Variants in DOCK2 observed in about 807,000 individuals in gnomAD.
DOCK2 encodes dedicator of cytokinesis protein 2.
DOCK2 carries 87 observed loss-of-function variants against 248.9 expected under a neutral mutation model. That is an observed-to-expected ratio of 0.35 (90% CI 0.29 to 0.42). The LOEUF (loss-of-function observed/expected upper bound fraction) is 0.42, where lower values mean the gene tolerates loss of function less well. DOCK2 is among the 10% of genes least tolerant of loss of function. The pLI is 1.00. For missense variants in DOCK2, 1,747 were observed against 2,300.2 expected, an observed-to-expected ratio of 0.76 and a Z score of 4.92; for synonymous variants, 805 against 821.6, an observed-to-expected ratio of 0.98 and a Z score of 0.35.
chr5:170,076,008 C>T lies in DOCK2; in HGVS notation c.4790C>T (p.Pro1597Leu). 6.2e-7 allele frequency: 1 copy of T among 1,614,128 alleles called. No homozygotes were observed. Among genetic ancestry groups the T allele is most frequent in the Non-Finnish European group, 8.5e-7 (1 of 1,180,014 alleles). Reference sequence around the variant, plus strand: ...AAAAGGGTGTCAGATAACTTGCGACCCTTCCATGACCGGATGGAGGAATGT... The same window carrying T: ...AAAAGGGTGTCAGATAACTTGCGACTCTTCCATGACCGGATGGAGGAATGT... The part of the protein sequence containing the change: ...HEKRVSDNLR[P>L]FHDRMEECFK... The change falls in exon 47 of 52, where the codon CCC (proline) becomes CTC (leucine). Residue 1597 changes from proline to leucine, a missense_variant. Physicochemically the swap from Pro to Leu is moderately conservative, Grantham distance 98. Around this residue, in one of 4 missense-constraint regions of DOCK2, gnomAD observed 513 missense variants for 586.1 expected, o/e 0.88. Transcript: ENST00000520908.
At chr5:169,640,471 GAAAAC>G (rs1416181627) in intron 1 of DOCK2, among the ~76,000 whole-genome samples, 1 of 152,226 alleles carries the variant, frequency 6.6e-6, no homozygotes, top group Non-Finnish European at 1.5e-5. Context: ...ATGAACAAGA[GAAAAC>G]AAACAAGTTT....
At chr5:169,945,828 C>T (rs1307959991) in intron 27 of DOCK2, among the ~76,000 whole-genome samples, 1 of 152,230 alleles carries the variant, frequency 6.6e-6, no homozygotes, top group Non-Finnish European at 1.5e-5. Context: ...CCACGGCCTC[C>T]GTCCTTTGTG....
intron 26 of DOCK2, among the ~76,000 whole-genome samples, chr5:169,840,481 G>T (rs1016522938): frequency 3.9e-5 from 6 of 152,140 alleles, no homozygotes; most frequent in African/African-American, 1.4e-4. Context: ...TAGCTCCAAA[G>T]TTCCTGATTC....
At chr5:170,003,701 A>C (rs531112075) in intron 30 of DOCK2, among the ~76,000 whole-genome samples, 19 of 152,344 alleles carry the variant, frequency 1.2e-4, no homozygotes, top group Non-Finnish European at 2.5e-4. Flanking sequence ...AGGAGACAGC[A>C]CTGGGGACCA....
intron 27 of DOCK2, among the ~76,000 whole-genome samples, chr5:169,852,868 G>T (rs1345566451): frequency 6.6e-6 from 1 of 152,180 alleles, no homozygotes; most frequent in African/African-American, 2.4e-5. Flanking sequence ...CACTGTGTCT[G>T]CTGTGAAGGC....
intron 27 of DOCK2, among the ~76,000 whole-genome samples, chr5:169,874,134 C>T (rs1199934052): frequency 1.3e-5 from 2 of 152,038 alleles, no homozygotes; most frequent in African/African-American, 2.4e-5. Context: ...AAAAAGCGGC[C>T]GGGTGTGGTG....
chr5:169,912,621 ATGTGTG>A (rs59287791), intron 27 of DOCK2, among the ~76,000 whole-genome samples: 2 of 150,420 alleles, frequency 1.3e-5, no homozygotes, highest in African/African-American at 4.9e-5. Flanking sequence ...GGTGGAGTGT[ATGTGTG>A]TGTGTGTGTG....
intron 25 of DOCK2, among the ~76,000 whole-genome samples, chr5:169,767,904 G>A (rs771397843): frequency 2.0e-5 from 3 of 152,218 alleles, no homozygotes; most frequent in East Asian, 3.9e-4. Context: ...ACGTATTAGG[G>A]TATTAATATT....
intron 22 of DOCK2, among the ~76,000 whole-genome samples, chr5:169,735,348 G>A (rs1452708647): frequency 6.6e-6 from 1 of 152,050 alleles, no homozygotes; most frequent in Non-Finnish European, 1.5e-5. Flanking sequence ...GATTCTCTCA[G>A]CTCCCTTCTG....
chr5:169,648,328 A>G (rs1334978222), intron 1 of DOCK2, among the ~76,000 whole-genome samples: 1 of 152,150 alleles, frequency 6.6e-6, no homozygotes, highest in Non-Finnish European at 1.5e-5. Flanking sequence ...GTCTCCAGAC[A>G]TCAACAAATG....
chr5:169,845,701 C>T (rs1770262610), intron 27 of DOCK2, among the ~76,000 whole-genome samples: 2 of 152,118 alleles, frequency 1.3e-5, no homozygotes, highest in African/African-American at 4.8e-5. Flanking sequence ...ATCCCTGAAG[C>T]CTTGCAAAGG....
At chr5:169,699,171 A>G (rs746794007) in intron 11 of DOCK2, among the ~76,000 whole-genome samples, 2 of 152,198 alleles carry the variant, frequency 1.3e-5, no homozygotes, top group African/African-American at 4.8e-5. Flanking sequence ...AATGGCCTCT[A>G]CCTGTAGCAT....
At position 170,082,792 on chromosome 5, in the gene DOCK2, A is replaced by G. The variant is rs1383198949; in HGVS notation, c.5431-4A>G. ...GGTTTTGTGCTTGTTTATTCTCTCA[A>G]AAGCTGGCCAGCAAATCGGCTGAAG... On this transcript the variant is annotated splice_region_variant and splice_polypyrimidine_tract_variant and intron_variant, in intron 51 of 51. Transcript: ENST00000520908. 1 of 1,614,098 alleles carries G rather than the reference A, an allele frequency of 6.2e-7. No individual in the cohort carries two copies. Among genetic ancestry groups the G allele is most frequent in the Non-Finnish European group, 8.5e-7 (1 of 1,180,010 alleles).
At chr5:169,783,063 T>C (rs924589130) in intron 25 of DOCK2, among the ~76,000 whole-genome samples, 1 of 152,200 alleles carries the variant, frequency 6.6e-6, no homozygotes, top group Non-Finnish European at 1.5e-5. Flanking sequence ...TTTATTATAA[T>C]GCAGAATGAA....
intron 26 of DOCK2, among the ~76,000 whole-genome samples, chr5:169,820,988 C>G (rs1394049345): frequency 6.6e-6 from 1 of 151,956 alleles, no homozygotes; most frequent in East Asian, 1.9e-4. Context: ...GCTTCAGTAG[C>G]CGATTCAATC....
intron 27 of DOCK2, among the ~76,000 whole-genome samples, chr5:169,879,590 C>T (rs1419891024): frequency 6.6e-6 from 1 of 152,280 alleles, no homozygotes; most frequent in African/African-American, 2.4e-5. Context: ...GCTAACCCAA[C>T]CAGGGGTGTA....
rs770959263 is a variant in DOCK2 at position 169,689,333 on chromosome 5, G to A, written c.843G>A (p.Thr281=). 10 of 1,613,908 alleles carry A rather than the reference G, an allele frequency of 6.2e-6. No homozygotes were observed. The highest frequency in any genetic ancestry group is 4.5e-5 in the East Asian group (2 of 44,860). ...TCAACAATCTGAAGGTGGTCTTCAC[G>A]GTGAGTGTGCACCCTCTTCTCGTTA... ...EMLNNLKVVF[T]DLGNKDLNRD... is the part of the protein sequence containing the mutation. Residue 281 remains threonine, a splice_region_variant and synonymous_variant, in exon 9 of 52, where the codon ACG becomes ACA. Transcript: ENST00000520908.
chr5:169,954,413 T>A (rs909505592), intron 27 of DOCK2, among the ~76,000 whole-genome samples: 1 of 152,234 alleles, frequency 6.6e-6, no homozygotes, highest in African/African-American at 2.4e-5. Context: ...TTCAGTTTTA[T>A]CTTTTTGTAT....
chr5:169,790,543 G>T (rs746411404), intron 25 of DOCK2, among the ~76,000 whole-genome samples: 6 of 152,186 alleles, frequency 3.9e-5, no homozygotes, highest in Non-Finnish European at 8.8e-5. Context: ...CCAAAGTGTA[G>T]TTTGTTTGAA....
Sources: allele counts gnomAD v4.1 joint callset (sites outside exome capture counted in the v4.1 genomes callset), GRCh38; gene constraint gnomAD v4.1.1; regional missense constraint gnomAD v4.1.1; transcripts MANE v1.5; gene names NCBI Gene and HGNC (gene_info 2026-07-23, HGNC 2026-07-21).